Variants in KHDRBS2 observed in about 807,000 individuals in gnomAD.
KHDRBS2 encodes the protein KH domain-containing, RNA-binding, signal transduction-associated protein 2.
Under a neutral mutation model 44.3 loss-of-function variants are expected in KHDRBS2, and 26 were observed. That is an observed-to-expected ratio of 0.59 (90% CI 0.43 to 0.81). The LOEUF is 0.81. KHDRBS2 is among the 40% of genes least tolerant of loss of function. KHDRBS2 has a pLI of 0.00. For synonymous variants in KHDRBS2, 194 were observed against 151.1 expected (o/e 1.28, Z -2.08); for missense variants, 476 against 433.1 (o/e 1.10, Z -0.88).
chr6:61,701,902 C>G (rs1292630178), intron 7 of KHDRBS2, among the ~76,000 whole-genome samples: 2 of 151,920 alleles, frequency 1.3e-5, no homozygotes, highest in Non-Finnish European at 2.9e-5. Context: ...GAAAGATAAT[C>G]TAACATTTTT....
intron 1 of KHDRBS2, among the ~76,000 whole-genome samples, chr6:62,198,141 A>G (rs1346391301): frequency 6.6e-6 from 1 of 152,218 alleles, no homozygotes. Flanking sequence ...AGCAGGAAAG[A>G]TCTAAAATTG....
chr6:61,587,363 A>ATCTC, the KHDRBS2 span, among the ~76,000 whole-genome samples: 66,442 of 149,484 alleles, frequency 0.44, 14,727 homozygotes, highest in African/African-American at 0.52. Context: ...GCTTTTTTTT[A>ATCTC]TCTCTCTCTC....
intron 2 of KHDRBS2, among the ~76,000 whole-genome samples, chr6:62,135,954 A>G (rs1156365707): frequency 1.3e-5 from 2 of 152,142 alleles, no homozygotes; most frequent in Non-Finnish European, 2.9e-5. Context: ...TAGTTATCTC[A>G]GATGAATAAA....
the KHDRBS2 span, among the ~76,000 whole-genome samples, chr6:61,632,814 G>T: frequency 6.6e-6 from 1 of 151,918 alleles, no homozygotes. Context: ...ACAGATCTCA[G>T]GTCACAATAA....
chr6:62,060,293 G>A (rs1390279097), intron 2 of KHDRBS2, among the ~76,000 whole-genome samples: 1 of 151,746 alleles, frequency 6.6e-6, no homozygotes, highest in Non-Finnish European at 1.5e-5. Flanking sequence ...GATGGGCTGG[G>A]GGTGAGTGGG....
At chr6:61,921,039 A>T (rs1364425610) in intron 4 of KHDRBS2, among the ~76,000 whole-genome samples, 1 of 152,024 alleles carries the variant, frequency 6.6e-6, no homozygotes, top group Admixed American at 6.6e-5. Context: ...AGGTAAAGAA[A>T]AGTTTGAAAG....
At chr6:61,860,965 G>T (rs1315089073) in intron 6 of KHDRBS2, among the ~76,000 whole-genome samples, 2 of 152,102 alleles carry the variant, frequency 1.3e-5, no homozygotes, top group Non-Finnish European at 2.9e-5. Context: ...TTTCTCTAAT[G>T]ATCAGTGATG....
At chr6:62,090,773 T>C (rs1584633423) in intron 2 of KHDRBS2, among the ~76,000 whole-genome samples, 3 of 152,242 alleles carry the variant, frequency 2.0e-5, no homozygotes, top group Admixed American at 6.5e-5. Context: ...GTAATTTTTT[T>C]CCAATGAACT....
At chr6:61,870,828 T>C (rs1480119749) in intron 6 of KHDRBS2, among the ~76,000 whole-genome samples, 4 of 151,780 alleles carry the variant, frequency 2.6e-5, no homozygotes, top group East Asian at 1.9e-4. Flanking sequence ...AAATAGCACA[T>C]CCACTCAGAG....
At chr6:62,064,612 C>A (rs1459618058) in intron 2 of KHDRBS2, among the ~76,000 whole-genome samples, 2 of 149,460 alleles carry the variant, frequency 1.3e-5, no homozygotes, top group Middle Eastern at 3.4e-3. Flanking sequence ...CTTCCTTACA[C>A]CTTATACAAA....
chr6:61,567,743 T>A, the KHDRBS2 span, among the ~76,000 whole-genome samples: 2 of 152,004 alleles, frequency 1.3e-5, no homozygotes, highest in African/African-American at 4.8e-5. Flanking sequence ...TGCTCTTCCC[T>A]GACACAATAC....
intron 1 of KHDRBS2, among the ~76,000 whole-genome samples, chr6:62,179,358 C>G (rs989758343): frequency 2.0e-5 from 3 of 151,624 alleles, no homozygotes; most frequent in African/African-American, 7.3e-5. Flanking sequence ...ACATCAGATT[C>G]CTATATTCTA....
chr6:61,873,226 T>C (rs549007087), intron 6 of KHDRBS2, among the ~76,000 whole-genome samples: 1 of 151,962 alleles, frequency 6.6e-6, no homozygotes, highest in Non-Finnish European at 1.5e-5. Context: ...AGTGAAAAGA[T>C]AGAACCACAA....
intron 7 of KHDRBS2, among the ~76,000 whole-genome samples, chr6:61,725,701 G>C (rs1033650813): frequency 2.0e-5 from 3 of 152,064 alleles, no homozygotes; most frequent in Admixed American, 1.3e-4. Context: ...TATAAGAAAT[G>C]CATAAATTCC....
At chr6:61,792,340 CTACA>C (rs963878792) in intron 6 of KHDRBS2, among the ~76,000 whole-genome samples, 53 of 151,048 alleles carry the variant, frequency 3.5e-4, no homozygotes, top group South Asian at 6.2e-4. Context: ...ATTAGTTTTC[CTACA>C]TAATCAAATT....
chr6:61,873,634 G>GC (rs1554254060), intron 6 of KHDRBS2, among the ~76,000 whole-genome samples: 2 of 146,216 alleles, frequency 1.4e-5, no homozygotes, highest in African/African-American at 5.0e-5. Flanking sequence ...AGCAAAAAAA[G>GC]AAAAAAAAAA....
chr6:61,866,276 C>G (rs894476307), intron 6 of KHDRBS2, among the ~76,000 whole-genome samples: 1 of 152,204 alleles, frequency 6.6e-6, no homozygotes, highest in African/African-American at 2.4e-5. Flanking sequence ...GGTGGAGGCT[C>G]CCAAGCCCCA....
intron 3 of KHDRBS2, among the ~76,000 whole-genome samples, chr6:62,024,701 T>C (rs778047590): frequency 1.4e-3 from 214 of 151,766 alleles, no homozygotes; most frequent in African/African-American, 4.8e-3. Flanking sequence ...TTGAATTGTT[T>C]GTCAAGGAAT....
intron 1 of KHDRBS2, among the ~76,000 whole-genome samples, chr6:62,218,095 T>C (rs517128): frequency 0.79 from 120,225 of 151,516 alleles, 48,760 homozygotes; most frequent in African/African-American, 0.92. Flanking sequence ...ACAAAGGGAC[T>C]GCACAGCATG....
Sources: allele counts gnomAD v4.1 joint callset (sites outside exome capture counted in the v4.1 genomes callset), GRCh38; gene constraint gnomAD v4.1.1; transcripts MANE v1.5; gene names NCBI Gene and HGNC (gene_info 2026-07-23, HGNC 2026-07-21).